The following SIRPB2 variants were observed in gnomAD, a reference collection of about 807,000 sequenced individuals.
The protein encoded by SIRPB2 is signal regulatory protein beta 2, also known as signal-regulatory protein beta-2.
In SIRPB2, 18 loss-of-function variants were observed where a neutral mutation model predicts 27.1. The observed-to-expected ratio is 0.66, with a 90% confidence interval of 0.46 to 0.98. The LOEUF (loss-of-function observed/expected upper bound fraction) is 0.98. Among genes scored for constraint, SIRPB2 ranks in the 50% least tolerant of loss-of-function variants. The pLI, the probability that SIRPB2 is intolerant of heterozygous loss-of-function variation, is 0.00. For missense variants in SIRPB2, 420 were observed against 417.4 expected, an observed-to-expected ratio of 1.01 and a Z score of -0.06; for synonymous variants, 150 against 164.6, an observed-to-expected ratio of 0.91 and a Z score of 0.68.
chr20:1,477,284 TG>T (rs767748464), intron 4 of SIRPB2, 53 bp downstream of exon 4: 5 of 1,614,088 alleles, frequency 3.1e-6, no homozygotes, highest in Non-Finnish European at 4.2e-6. Flanking sequence ...AAGCCATTCA[TG>T]GCCCCCTTGC....
chr20:1,473,023 T>C (rs1211923921), downstream of SIRPB2: 7 of 152,464 alleles, frequency 4.6e-5, no homozygotes, highest in Admixed American at 3.3e-4. Flanking sequence ...CTGCATAAAA[T>C]AGTGTCACTT....
chr20:1,473,750 C>A, downstream of SIRPB2: 4 of 445,592 alleles, frequency 9.0e-6, no homozygotes, highest in South Asian at 6.3e-5. Context: ...TCATGCAGGG[C>A]CCTACAGGGC....
In SIRPB2 at chr20:1,477,397, G is replaced by T. The variant is rs148097564; in HGVS notation, c.800C>A (p.Ser267Tyr). Residue 267 changes from serine to tyrosine, a missense_variant, in exon 4 of 5, where the codon TCT becomes TAT. Physicochemically the swap from Ser to Tyr is moderately radical, Grantham distance 144. Transcript: ENST00000359801. ...GAATTCTGCCTCTTTGGAAGAGGTAGATTTTGCTGCAAGGGAGAGAGGCTT... is the reference window on the plus strand; with the variant it reads ...GAATTCTGCCTCTTTGGAAGAGGTATATTTTGCTGCAAGGGAGAGAGGCTT... ...QGTSLKVKAK[S>Y]TSSKEAEFTS... is the part of the protein sequence containing the mutation. The T allele has an allele frequency of 6.2e-7, 1 of 1,612,574 alleles. No individual in the cohort carries two copies. Among genetic ancestry groups the T allele is most frequent in the East Asian group, 2.2e-5 (1 of 44,828 alleles).
chr20:1,486,932 T>C (rs1381926910), intron 1 of SIRPB2, among the ~76,000 whole-genome samples: 1 of 152,194 alleles, frequency 6.6e-6, no homozygotes, highest in East Asian at 1.9e-4. Context: ...TAGACAAAGA[T>C]GCCTGTTTTT....
chr20:1,483,966 G>A (rs1328376473), intron 1 of SIRPB2, among the ~76,000 whole-genome samples: 1 of 152,098 alleles, frequency 6.6e-6, no homozygotes, highest in Non-Finnish European at 1.5e-5. Context: ...TCTTGATTGG[G>A]ATGTGTATTG....
chr20:1,478,149 A>G, intron 3 of SIRPB2, 117 bp downstream of exon 3: 1 of 980,520 alleles, frequency 1.0e-6, no homozygotes, highest in Non-Finnish European at 1.6e-6. Flanking sequence ...AGGTAGAGGG[A>G]AAAACTTATG....
Position 1,475,776 on chromosome 20 carries a change from C to A in SIRPB2, c.*391G>T. The A allele has an allele frequency of 7.1e-6, 1 of 140,258 alleles. No individual in the cohort carries two copies. Among genetic ancestry groups the A allele is most frequent in the East Asian group, 2.3e-4 (1 of 4,386 alleles). The allele number at this position is 140,258 out of a possible 1,614,324, so 8.7% of individuals were successfully genotyped here. ...AGATGGAGGGGCACAGATGGTCTGGCTGGTTGAGTTCAGAGATTCTTACAG... is the reference window on the plus strand; with the variant it reads ...AGATGGAGGGGCACAGATGGTCTGGATGGTTGAGTTCAGAGATTCTTACAG... On this transcript the variant is annotated 3_prime_UTR_variant, in exon 5 of 5. Transcript: ENST00000359801.
At chr20:1,470,816 AG>A (rs1468282781), downstream of SIRPB2, 2 of 151,818 alleles carry the variant, frequency 1.3e-5, no homozygotes, top group Non-Finnish European at 2.9e-5. Context: ...ATTCACAGCC[AG>A]GGGGACCACC....
chr20:1,479,566 C>A (rs954924650), intron 2 of SIRPB2, 134 bp downstream of exon 2: 3 of 1,355,100 alleles, frequency 2.2e-6, no homozygotes, highest in Non-Finnish European at 3.0e-6. Context: ...TGTAAATGTG[C>A]ATGTAGAGAT....
chr20:1,476,455 C>A (rs1248550937), intron 4 of SIRPB2, 119 bp from the exon 5 acceptor site: 3 of 1,080,252 alleles, frequency 2.8e-6, no homozygotes, highest in Non-Finnish European at 2.6e-6. Context: ...GGAGCTGTAT[C>A]CTTTCTACAT....
chr20:1,481,684 C>A (rs2090672725), intron 1 of SIRPB2, among the ~76,000 whole-genome samples: 1 of 152,178 alleles, frequency 6.6e-6, no homozygotes, highest in African/African-American at 2.4e-5. Context: ...TAGGCATGTG[C>A]TGTTAACCAC....
intron 1 of SIRPB2, among the ~76,000 whole-genome samples, chr20:1,484,301 C>T (rs1333872282): frequency 6.6e-6 from 1 of 152,078 alleles, no homozygotes; most frequent in Non-Finnish European, 1.5e-5. Flanking sequence ...GATTTTATGA[C>T]TAAGACCTCA....
chr20:1,485,654 C>A (rs1350414921), intron 1 of SIRPB2, among the ~76,000 whole-genome samples: 8 of 68,476 alleles, frequency 1.2e-4, no homozygotes, highest in Admixed American at 4.5e-4. Flanking sequence ...ACACACACAC[C>A]ACACACACAC....
At chr20:1,490,529 A>G (rs889672758) in intron 1 of SIRPB2, among the ~76,000 whole-genome samples, 1 of 152,206 alleles carries the variant, frequency 6.6e-6, no homozygotes, top group African/African-American at 2.4e-5. Context: ...CCTGAGTTAG[A>G]GGAAACATGG....
chr20:1,485,534 T>G (rs938612990), intron 1 of SIRPB2, among the ~76,000 whole-genome samples: 1 of 151,934 alleles, frequency 6.6e-6, no homozygotes, highest in Non-Finnish European at 1.5e-5. Context: ...TTACCCACTT[T>G]CCACCTTAAG....
At chr20:1,480,199 G>T in intron 1 of SIRPB2, 134 bp from the exon 2 acceptor site, 1 of 1,236,226 alleles carries the variant, frequency 8.1e-7, no homozygotes, top group Non-Finnish European at 1.1e-6. Flanking sequence ...ATTAGACAGG[G>T]AAGGGAAAGA....
chr20:1,475,290 G>C lies in SIRPB2; in HGVS notation c.*877C>G, dbSNP rs1484273886. On this transcript the variant is annotated 3_prime_UTR_variant, in exon 5 of 5. Coordinates refer to ENST00000359801, the MANE Select transcript of SIRPB2 (RefSeq NM_001122962.2). ...TATGCTGCTGTGGTGGAGATAACTG[G>C]TTATCCCCTGATATCTGCCATCTGG... The C allele has an allele frequency of 1.3e-5, 2 of 152,202 alleles. No individual in the cohort carries two copies. Among genetic ancestry groups the C allele is most frequent in the Non-Finnish European group, 2.9e-5 (2 of 68,052 alleles). The allele number at this position is 152,202 out of a possible 1,614,324, so 9.4% of individuals were successfully genotyped here.
Position 1,491,292 on chromosome 20 carries a change from A to T in SIRPB2, c.68T>A (p.Leu23Gln). Residue 23 changes from leucine to glutamine, a missense_variant, in exon 1 of 5, where the codon CTG becomes CAG. Physicochemically the swap from Leu to Gln is moderately radical, Grantham distance 113 (BLOSUM62 -2). Transcript: ENST00000359801. ...CCACTTACCTGAGGGGACAAGGACC[A>T]GTGCCAGCAGCAGGAAGCAGGGAGG... Reference protein sequence around the residue: ...HLPPCFLLLALVLVPSDASGQ... With the variant: ...HLPPCFLLLAQVLVPSDASGQ... 1.2e-6 allele frequency: 2 copies of T among 1,611,680 alleles called. No individual in the cohort carries two copies. Among genetic ancestry groups the T allele is most frequent in the Non-Finnish European group, 1.7e-6 (2 of 1,179,254 alleles).
chr20:1,476,201 A>G lies in SIRPB2; in HGVS notation c.995T>C (p.Met332Thr). Residue 332 changes from methionine (M) to threonine (T), a missense_variant, in exon 5 of 5, where the codon ATG becomes ACG. Physicochemically the swap from Met to Thr is moderately conservative, Grantham distance 81. Transcript: ENST00000359801. ...ACCCTTGCTCCATGCTAAGGTGTTC[A>G]TGGCTCCTGCTGGGCCTGTGGTCTT... ...DVKTTGPAGA[M>T]NTLAWSKGQE 1 of 1,614,036 alleles carries G rather than the reference A, an allele frequency of 6.2e-7. No homozygotes were observed. The highest frequency in any genetic ancestry group is 8.5e-7 in the Non-Finnish European group (1 of 1,179,978).
Sources: gnomAD v4.1 joint callset for allele counts (sites outside exome capture counted in the v4.1 genomes callset) on GRCh38, gnomAD v4.1.1 for gene constraint, MANE v1.5 for transcripts, NCBI Gene and HGNC (gene_info 2026-07-23, HGNC 2026-07-21) for gene names.